Variants in PLXNB3 observed in about 807,000 individuals in gnomAD.
PLXNB3 encodes the protein plexin B3.
In PLXNB3, 80 loss-of-function variants were observed where a neutral mutation model predicts 125.7. The observed-to-expected ratio is 0.64, with a 90% CI of 0.53 to 0.77. The LOEUF is 0.77. Ranked by LOEUF, PLXNB3 falls within the 30% of genes least tolerant of loss-of-function variation. The probability of loss-of-function intolerance (pLI) is 0.00; values close to 1 mark genes in which losing one functional copy is unlikely to be tolerated. For missense variants in PLXNB3, 1,836 were observed against 1,729.3 expected, an observed-to-expected ratio of 1.06 and a Z score of -1.09; for synonymous variants, 954 against 783.3, an observed-to-expected ratio of 1.22 and a Z score of -3.64.
chrX:153,770,272 G>A (rs782436391), intron 8 of PLXNB3, 24 bp downstream of exon 8: 18 of 1,207,186 alleles, frequency 1.5e-5, no homozygotes, highest in Admixed American at 4.4e-5. Context: ...GGGGTAGGGG[G>A]CTGGGATGGA....
chrX:153,777,410 G>A, intron 30 of PLXNB3, 30 bp downstream of exon 30: 1 of 1,183,458 alleles, frequency 8.4e-7, no homozygotes, highest in African/African-American at 1.7e-5. Flanking sequence ...CTGGGCCTGA[G>A]AGGAGGCTCA....
Position 153,776,173 on chromosome X carries a change from C to A in PLXNB3, c.4688C>A (p.Thr1563Asn), listed in dbSNP as rs782073828. 5 of 1,190,308 alleles carry A rather than the reference C, an allele frequency of 4.2e-6. No homozygotes were observed. Among genetic ancestry groups the A allele is most frequent in the Non-Finnish European group, 5.6e-6 (5 of 885,278 alleles). ...EKVLDQVYKG[T>N]PFSQRPSVHA... ...GTGTTGGACCAAGTCTACAAGGGCA[C>A]CCCCTTCTCCCAGAGGCCCTCAGTG... Residue 1563 changes from threonine to asparagine, a missense_variant, in exon 27 of 36, where the codon ACC becomes AAC. Transcript: ENST00000361971.
Position 153,770,834 on chromosome X carries a change from G to A in PLXNB3, c.2087G>A (p.Gly696Asp). ...GLAGPHLVPVGWESHLALRVR... is the reference protein window; with the variant it reads ...GLAGPHLVPVDWESHLALRVR... Reference sequence around the variant, plus strand: ...GCAGGTCCCCACCTGGTGCCTGTGGGCTGGGAGAGCCATTTGGCCCTACGC... The same window carrying A: ...GCAGGTCCCCACCTGGTGCCTGTGGACTGGGAGAGCCATTTGGCCCTACGC... The change falls in exon 11 of 36, where the codon GGC becomes GAC. Residue 696 changes from glycine (G) to aspartate (D), a missense_variant. Gly to Asp is a moderately conservative substitution (Grantham distance 94, BLOSUM62 -1). Coordinates refer to ENST00000361971, the MANE Select transcript of PLXNB3 (RefSeq NM_005393.3). 1 of 1,209,386 alleles carries A rather than the reference G, an allele frequency of 8.3e-7. No homozygotes were observed. The highest frequency in any genetic ancestry group is 3.0e-5 in the East Asian group (1 of 33,792).
At chrX:153,766,145 C>T in intron 2 of PLXNB3, 1 of 1,107,154 alleles carries the variant, frequency 9.0e-7, no homozygotes, top group Non-Finnish European at 1.2e-6. Flanking sequence ...CTTGACACCC[C>T]TGGCTTCTCC....
At chrX:153,765,941 C>T in intron 2 of PLXNB3, 8 of 754,597 alleles carry the variant, frequency 1.1e-5, no homozygotes, top group Non-Finnish European at 1.3e-5. Flanking sequence ...CCAGGCACAC[C>T]CAGGAACCAT....
intron 25 of PLXNB3, 74 bp from the exon 26 acceptor site, chrX:153,775,520 G>T: frequency 8.6e-7 from 1 of 1,160,161 alleles, no homozygotes; most frequent in Non-Finnish European, 1.2e-6. Context: ...CCAGCAGGTG[G>T]GGGGAAGGAA....
intron 14 of PLXNB3, 81 bp downstream of exon 14, chrX:153,771,736 G>A: frequency 8.9e-7 from 1 of 1,127,475 alleles, no homozygotes; most frequent in Non-Finnish European, 1.2e-6. Flanking sequence ...GATCAGACCA[G>A]CCCTGCCCCA....
intron 4 of PLXNB3, 37 bp from the exon 5 acceptor site, chrX:153,768,911 C>T: frequency 1.7e-6 from 2 of 1,192,965 alleles, no homozygotes; most frequent in Non-Finnish European, 2.3e-6. Context: ...CAACCTTTGG[C>T]CATCTGGCCC....
At position 153,777,170 on chromosome X, in the gene PLXNB3, G is replaced by A. The variant is rs1490246196; in HGVS notation, c.4928-38G>A. ...GACTGGGCATCCCAGGCCAGGGGCA[G>A]GGGGTATAGCCCTGAAGCCAGGCTC... On this transcript the variant is annotated intron_variant, in intron 29 of 35. Transcript: ENST00000361971. The A allele has an allele frequency of 4.5e-6, 5 of 1,115,618 alleles. No homozygotes were observed. The Admixed American group carries it at 1.2e-4, about 26-fold the overall frequency. 91.9% of individuals were successfully genotyped at this position (1,115,618 alleles called of 1,213,427 possible). A position where few individuals can be genotyped will look rare whatever the true frequency, so the allele number is the denominator to read the frequency against.
Position 153,772,974 on chromosome X carries a change from G to A in PLXNB3, c.2864G>A (p.Gly955Asp), listed in dbSNP as rs782693353. 1 of 1,199,104 alleles carries A rather than the reference G, an allele frequency of 8.3e-7. No homozygotes were observed. Among genetic ancestry groups the A allele is most frequent in the Non-Finnish European group, 1.1e-6 (1 of 890,710 alleles). ...ATCCGAGGTCAGCACCTCCAGACAGGTGGCAACACCAGTGCCTTCGTGGGT... is the reference window on the plus strand; with the variant it reads ...ATCCGAGGTCAGCACCTCCAGACAGATGGCAACACCAGTGCCTTCGTGGGT... ...LTIRGQHLQT[G>D]GNTSAFVGGQ... The change falls in exon 17 of 36, where the codon GGT becomes GAT. Residue 955 changes from glycine to aspartate, a missense_variant. By Grantham distance (94) the Gly-to-Asp change is moderately conservative (BLOSUM62 -1). Coordinates refer to ENST00000361971, the MANE Select transcript of PLXNB3 (RefSeq NM_005393.3).
At position 153,774,218 on chromosome X, in the gene PLXNB3, G is replaced by T; in HGVS notation, c.3552G>T (p.Glu1184Asp). The T allele has an allele frequency of 8.3e-7, 1 of 1,202,821 alleles. No homozygotes were observed. ...GCCTCAACCTGGGCATCAGCAAGGAGGAGGTGCGCGTGCACATCGGCCGCG... is the reference window on the plus strand; with the variant it reads ...GCCTCAACCTGGGCATCAGCAAGGATGAGGTGCGCGTGCACATCGGCCGCG... ...GEGLNLGISK[E>D]EVRVHIGRGE... Residue 1184 changes from glutamate to aspartate, a missense_variant, in exon 21 of 36, where the codon GAG becomes GAT. Physicochemically the swap from Glu to Asp is conservative, Grantham distance 45. Transcript: ENST00000361971.
At position 153,776,081 on chromosome X, in the gene PLXNB3, C is replaced by T; in HGVS notation, c.4596C>T (p.Ser1532=). The T allele has an allele frequency of 8.4e-7, 1 of 1,193,831 alleles. No homozygotes were observed. The highest frequency in any genetic ancestry group is 2.3e-5 in the Admixed American group (1 of 43,947). Reference sequence around the variant, plus strand: ...CCGGGGCTGGCGGGGCCGCAGGCAGCAGCGAGATGCAGCGCGTGCCAGCCC... The same window carrying T: ...CCGGGGCTGGCGGGGCCGCAGGCAGTAGCGAGATGCAGCGCGTGCCAGCCC... The part of the protein sequence containing the change: ...VGPGAGGAAG[S]SEMQRVPARV... Residue 1532 remains serine (S), a synonymous_variant, in exon 27 of 36, where the codon AGC becomes AGT. Transcript: ENST00000361971.
At chrX:153,766,259 C>A (rs376320278) in intron 2 of PLXNB3, 6 of 1,166,459 alleles carry the variant, frequency 5.1e-6, no homozygotes, top group Non-Finnish European at 6.9e-6. Flanking sequence ...GCTCAGCCCG[C>A]GGCTGCCTGG....
At position 153,776,096 on chromosome X, in the gene PLXNB3, C is replaced by T. The variant is rs782235039; in HGVS notation, c.4611C>T (p.Arg1537=). 7 of 1,199,431 alleles carry T rather than the reference C, an allele frequency of 5.8e-6. No homozygotes were observed. Among genetic ancestry groups the T allele is most frequent in the South Asian group, 1.8e-5 (1 of 55,465 alleles). Residue 1537 remains arginine, a synonymous_variant, in exon 27 of 36, where the codon CGC becomes CGT. Transcript: ENST00000361971. ...CCGCAGGCAGCAGCGAGATGCAGCGCGTGCCAGCCCGGGTGCTCGACACGG... is the reference window on the plus strand; with the variant it reads ...CCGCAGGCAGCAGCGAGATGCAGCGTGTGCCAGCCCGGGTGCTCGACACGG... ...GGAAGSSEMQ[R]VPARVLDTDT...
chrX:153,766,629 G>A, intron 2 of PLXNB3: 1 of 752,870 alleles, frequency 1.3e-6, no homozygotes, highest in Non-Finnish European at 1.6e-6. Flanking sequence ...GTGCGTGCGT[G>A]CATGCACCCC....
In PLXNB3 at chrX:153,776,858, GC is replaced by G. The variant is rs1375826035; in HGVS notation, c.4834-28del. The G allele has an allele frequency of 6.5e-6, 7 of 1,071,199 alleles. No individual in the cohort carries two copies. In the Admixed American group the frequency reaches 1.7e-4, roughly 26 times the overall value. The allele number at this position is 1,071,199 out of a possible 1,213,427, so 88.3% of individuals were successfully genotyped here. On this transcript the variant is annotated intron_variant, in intron 28 of 35. Transcript: ENST00000361971. ...GGTGTAGGCGCCTGGCTAGGGGTCA[GC>G]ACAGCCTCCGCTCCCCATCTCTGCC...
At chrX:153,777,136 G>C in intron 29 of PLXNB3, 72 bp from the exon 30 acceptor site, 1 of 1,075,775 alleles carries the variant, frequency 9.3e-7, no homozygotes, top group Non-Finnish European at 1.2e-6. Context: ...CCACCTTGTC[G>C]GGGGAGTGGA....
Position 153,766,800 on chromosome X carries a change from C to T in PLXNB3, c.46-73C>T, listed in dbSNP as rs929623216. On this transcript the variant is annotated intron_variant, in intron 2 of 35. Transcript: ENST00000361971. ...CCCTGAGCACCCTGGCCTCTGTCCA[C>T]CCCACCTTCCACCTTCCTCTGGTCC... The T allele has an allele frequency of 5.4e-6, 6 of 1,109,712 alleles. No individual in the cohort carries two copies. In the African/African-American group the frequency reaches 9.3e-5, roughly 17 times the overall value. The allele number at this position is 1,109,712 out of a possible 1,213,427, so 91.5% of individuals were successfully genotyped here.
chrX:153,772,734 C>A, intron 16 of PLXNB3, 152 bp from the exon 17 acceptor site: 1 of 1,036,923 alleles, frequency 9.6e-7, no homozygotes, highest in Non-Finnish European at 1.2e-6. Flanking sequence ...TGTGCAGTGG[C>A]CTCGGGAAGG....
Sources: gnomAD v4.1 joint callset for allele counts on GRCh38, gnomAD v4.1.1 for gene constraint, MANE v1.5 for transcripts, NCBI Gene and HGNC (gene_info 2026-07-23, HGNC 2026-07-21) for gene names.